Variants in SLC26A9 observed in about 807,000 individuals in gnomAD.
SLC26A9 encodes solute carrier family 26 member 9, also known as anion transporter/exchanger protein 9.
Under a neutral mutation model 87.1 loss-of-function variants are expected in SLC26A9, and 46 were observed. The observed-to-expected ratio is 0.53, with a 90% CI of 0.42 to 0.67. SLC26A9 has a LOEUF of 0.67. Ranked by LOEUF, SLC26A9 falls within the 30% of genes least tolerant of loss-of-function variation. The probability of loss-of-function intolerance (pLI) is 0.00; values close to 1 mark genes in which losing one functional copy is unlikely to be tolerated. For missense variants in SLC26A9, 927 were observed against 1,018.3 expected, an observed-to-expected ratio of 0.91 and a Z score of 1.22; for synonymous variants, 437 against 409.1, an observed-to-expected ratio of 1.07 and a Z score of -0.82.
At chr1:205,918,527 A>G (rs532960370) in intron 19 of SLC26A9, among the ~76,000 whole-genome samples, 1 of 152,340 alleles carries the variant, frequency 6.6e-6, no homozygotes, top group Admixed American at 6.5e-5. Flanking sequence ...CTGCTCTACT[A>G]TGCTTTGGGT....
chr1:205,921,916 G>C, intron 16 of SLC26A9, 69 bp from the exon 17 acceptor site: 1 of 1,532,312 alleles, frequency 6.5e-7, no homozygotes, highest in African/African-American at 1.4e-5. Flanking sequence ...TGTGACTGAA[G>C]CAGGGGCATG....
At chr1:205,919,963 C>T (rs1255921431) in intron 18 of SLC26A9, among the ~76,000 whole-genome samples, 2 of 152,146 alleles carry the variant, frequency 1.3e-5, no homozygotes, top group Non-Finnish European at 2.9e-5. Context: ...GACCTCCTCA[C>T]CCCCACTCTG....
chr1:205,914,530 C>T lies in SLC26A9; in HGVS notation c.*827G>A, dbSNP rs1658493201. On this transcript the variant is annotated 3_prime_UTR_variant, in exon 21 of 21. Transcript: ENST00000367135. ...TAACTGGTATCTATTACTAGGATGCCAGATGATTCTGCCAGCTACCCATCC... is the reference window on the plus strand; with the variant it reads ...TAACTGGTATCTATTACTAGGATGCTAGATGATTCTGCCAGCTACCCATCC... 4.2e-6 allele frequency: 1 copy of T among 239,248 alleles called. No homozygotes were observed. The highest frequency in any genetic ancestry group is 8.5e-5 in the East Asian group (1 of 11,776). 14.8% of individuals were successfully genotyped at this position (239,248 alleles called of 1,614,324 possible). A position where few individuals can be genotyped will look rare whatever the true frequency, so the allele number is the denominator to read the frequency against.
chr1:205,937,945 C>T (rs1320729868), intron 1 of SLC26A9, among the ~76,000 whole-genome samples: 4 of 152,090 alleles, frequency 2.6e-5, no homozygotes, highest in South Asian at 4.1e-4. Context: ...AAGAAGAGCC[C>T]TTTGGAAGAG....
intron 18 of SLC26A9, among the ~76,000 whole-genome samples, chr1:205,919,562 G>C (rs1658735522): frequency 6.6e-6 from 1 of 152,192 alleles, no homozygotes; most frequent in East Asian, 1.9e-4. Context: ...AGGGAGCTGG[G>C]TGTGTGTGTA....
At chr1:205,926,104 T>C (rs757405451) in intron 12 of SLC26A9, among the ~76,000 whole-genome samples, 13 of 151,686 alleles carry the variant, frequency 8.6e-5, no homozygotes, top group Non-Finnish European at 1.6e-4. Context: ...TGGCTTTATG[T>C]TCTAGGTTTT....
rs1659831817 is a variant in SLC26A9, at chr1:205,943,429, G to A, written c.-83C>T. 6.6e-6 allele frequency: 1 copy of A among 152,348 alleles called. No individual in the cohort carries two copies. The highest frequency in any genetic ancestry group is 1.5e-5 in the Non-Finnish European group (1 of 68,196). 9.4% of individuals were successfully genotyped at this position (152,348 alleles called of 1,614,324 possible). On this transcript the variant is annotated 5_prime_UTR_variant, in exon 1 of 21. Coordinates refer to ENST00000367135, the MANE Select transcript of SLC26A9 (RefSeq NM_052934.4). Reference sequence around the variant, plus strand: ...TGTCTGGGGAGCGGGCAGCCGAAAGGTGTTCCTGAGGTGTGTGAAAGGGCT... The same window carrying A: ...TGTCTGGGGAGCGGGCAGCCGAAAGATGTTCCTGAGGTGTGTGAAAGGGCT...
At chr1:205,931,465 G>GTTTTTTTTTTTTTTTTTTTTTTTTT (rs34820138) in intron 5 of SLC26A9, among the ~76,000 whole-genome samples, 2 of 96,012 alleles carry the variant, frequency 2.1e-5, no homozygotes, top group African/African-American at 4.3e-5. Flanking sequence ...CCCTAACTTG[G>GTTTTTTTTTTTTTTTTTTTTTTTTT]TTTTTTTTTT....
At position 205,915,314 on chromosome 1, in the gene SLC26A9, A is replaced by C. The variant is rs371663206; in HGVS notation, c.*43T>G. On this transcript the variant is annotated 3_prime_UTR_variant, in exon 21 of 21. Transcript: ENST00000367135. ...AGGCTCATCCTTTATGGAAGTCCCA[A>C]GTGCCAGGCACTCTGTAGGCAGCAT... 6.7e-5 allele frequency: 108 copies of C among 1,613,460 alleles called. 1 individual carries two copies. Among genetic ancestry groups the C allele is most frequent in the Non-Finnish European group, 8.6e-5 (101 of 1,179,732 alleles).
At chr1:205,925,990 C>A (rs966291350) in intron 12 of SLC26A9, among the ~76,000 whole-genome samples, 6 of 152,192 alleles carry the variant, frequency 3.9e-5, no homozygotes, top group Admixed American at 3.9e-4. Context: ...ATCCTCGGAA[C>A]CAGCGTTTGA....
chr1:205,917,353 G>A lies in SLC26A9; in HGVS notation c.2258C>T (p.Ala753Val). ...DVTPGHNFQG[A>V]PGDAELSLYD... ...CAAGGAGAGCTCAGCATCCCCTGGAGCCTGGAAGGGAGGAAGCCAGTGCAG... is the reference window on the plus strand; with the variant it reads ...CAAGGAGAGCTCAGCATCCCCTGGAACCTGGAAGGGAGGAAGCCAGTGCAG... Residue 753 changes from alanine (A) to valine (V), a missense_variant and splice_region_variant, in exon 20 of 21, where the codon GCT (alanine) becomes GTT (valine). Ala to Val is a moderately conservative substitution (Grantham distance 64, BLOSUM62 0). Coordinates refer to ENST00000367135, the MANE Select transcript of SLC26A9 (RefSeq NM_052934.4). The A allele has an allele frequency of 6.2e-7, 1 of 1,614,032 alleles. No homozygotes were observed. Among genetic ancestry groups the A allele is most frequent in the South Asian group, 1.1e-5 (1 of 91,060 alleles).
rs772030542 is a variant in SLC26A9 at position 205,915,087 on chromosome 1, C to T, written c.*270G>A. On this transcript the variant is annotated 3_prime_UTR_variant, in exon 21 of 21. Transcript: ENST00000367135. ...TGGGTGGGGTGGAGTGAGCAGGAGG[C>T]TTGTCCATTGCGGCCAGGGCCTGAC... 33 of 1,613,840 alleles carry T rather than the reference C, an allele frequency of 2.0e-5. No homozygotes were observed. The highest frequency in any genetic ancestry group is 2.0e-4 in the Admixed American group (12 of 59,982).
chr1:205,931,465 G>GCTTTTTTTTT lies in SLC26A9; in HGVS notation c.552+394_552+395insAAAAAAAAAG, dbSNP rs1553270525. Among the ~76,000 whole-genome samples, 16 of 96,008 alleles carry GCTTTTTTTTT rather than the reference G, an allele frequency of 1.7e-4. 1 individual carries two copies. In the East Asian group the frequency reaches 1.9e-3, roughly 11 times the overall value. The allele number at this position is 96,008 out of a possible 152,430, so 63.0% of individuals were successfully genotyped here. A position where few individuals can be genotyped will look rare whatever the true frequency, so the allele number is the denominator to read the frequency against. On this transcript the variant is annotated intron_variant, in intron 5 of 20. Transcript: ENST00000367135. ...GAGGGAGGAGGTGAGCCCTAACTTG[G>GCTTTTTTTTT]TTTTTTTTTTTTTTTTTTTGAGACG...
chr1:205,917,203 A>G (rs1475643237), intron 20 of SLC26A9, 80 bp downstream of exon 20: 2 of 1,423,940 alleles, frequency 1.4e-6, no homozygotes, highest in African/African-American at 2.8e-5. Context: ...CAGCTGAGTG[A>G]ACGCCTTGTA....
chr1:205,920,150 G>C, intron 18 of SLC26A9, 26 bp downstream of exon 18: 1 of 1,613,412 alleles, frequency 6.2e-7, no homozygotes. Context: ...CAGTCTTTCA[G>C]TCCCTAAATG....
chr1:205,919,057 G>T, intron 18 of SLC26A9, 72 bp from the exon 19 acceptor site: 2 of 1,588,814 alleles, frequency 1.3e-6, no homozygotes, highest in Non-Finnish European at 8.6e-7. Context: ...GGGGAAGATA[G>T]TGAGACCAGA....
Position 205,918,911 on chromosome 1 carries a change from T to C in SLC26A9, c.2185A>G (p.Ser729Gly), listed in dbSNP as rs757563806. 9 of 1,614,210 alleles carry C rather than the reference T, an allele frequency of 5.6e-6. No individual in the cohort carries two copies. The Admixed American group carries it at 1.5e-4, about 27-fold the overall frequency. ...GCAAAGAGGACTGCGTCATGTATGC[T>C]GGGAAAGACGTGCTTGCATTCTAGA... ...GSLECKHVFPSIHDAVLFAQA... is the reference protein window; with the variant it reads ...GSLECKHVFPGIHDAVLFAQA... Residue 729 changes from serine (S) to glycine (G), a missense_variant, in exon 19 of 21, where the codon AGC (serine) becomes GGC (glycine). Coordinates refer to ENST00000367135, the MANE Select transcript of SLC26A9 (RefSeq NM_052934.4).
chr1:205,940,440 A>T (rs1327137149), intron 1 of SLC26A9, among the ~76,000 whole-genome samples: 1 of 150,290 alleles, frequency 6.7e-6, no homozygotes, highest in Non-Finnish European at 1.5e-5. Context: ...TCAGGCAGAG[A>T]CAGTGCCCGA....
chr1:205,933,992 T>G (rs1393832746), intron 2 of SLC26A9, among the ~76,000 whole-genome samples: 1 of 152,208 alleles, frequency 6.6e-6, no homozygotes, highest in Non-Finnish European at 1.5e-5. Context: ...TTCTCCCAGT[T>G]GAGGGAACTC....
Sources: gnomAD v4.1 joint callset for allele counts (sites outside exome capture counted in the v4.1 genomes callset) on GRCh38, gnomAD v4.1.1 for gene constraint, MANE v1.5 for transcripts, NCBI Gene and HGNC (gene_info 2026-07-23, HGNC 2026-07-21) for gene names.